Variants in SMARCA2 observed in about 807,000 individuals in gnomAD.
SMARCA2 encodes the protein SWI/SNF-related matrix-associated actin-dependent regulator of chromatin subfamily A member 2.
Under a neutral mutation model 199.8 loss-of-function variants are expected in SMARCA2, and 61 were observed. The observed-to-expected ratio is 0.31, with a 90% CI of 0.25 to 0.38. SMARCA2 has a LOEUF of 0.38. SMARCA2 is among the 10% of genes least tolerant of loss of function. SMARCA2 has a pLI of 1.00. For missense variants in SMARCA2, 1,344 were observed against 2,012.2 expected, an observed-to-expected ratio of 0.67 and a Z score of 6.35; for synonymous variants, 935 against 732.0, an observed-to-expected ratio of 1.28 and a Z score of -4.48.
At position 2,182,239 on chromosome 9, in the gene SMARCA2, C is replaced by G. The variant is rs769659898; in HGVS notation, c.4458C>G (p.Ser1486=). The change falls in exon 31 of 34, where the codon TCC becomes TCG. Residue 1486 remains serine, a synonymous_variant. Transcript: ENST00000349721. ...CTCAGACGTTCAACCTGGAGGGATC[C>G]CAGGTCTGTCTTGTTAAGTTGTCTA... ...HNAQTFNLEG[S]QIYEDSIVLQ... The G allele has an allele frequency of 6.9e-6, 11 of 1,600,626 alleles. No individual in the cohort carries two copies. The East Asian group carries it at 2.0e-4, about 29-fold the overall frequency.
chr9:2,159,607 C>G (rs1454422511), intron 27 of SMARCA2: 1 of 511,900 alleles, frequency 2.0e-6, no homozygotes, highest in Non-Finnish European at 3.3e-6. Context: ...ATTCTGCTGC[C>G]TGGAATAATA....
intron 9 of SMARCA2, among the ~76,000 whole-genome samples, chr9:2,065,538 A>G (rs1209023422): frequency 1.3e-5 from 2 of 152,136 alleles, no homozygotes; most frequent in Non-Finnish European, 2.9e-5. Flanking sequence ...GGCATAATGT[A>G]TTGGCCAACA....
intron 27 of SMARCA2, among the ~76,000 whole-genome samples, chr9:2,145,302 C>G (rs1175791681): frequency 1.8e-5 from 1 of 56,980 alleles, no homozygotes; most frequent in African/African-American, 7.4e-5. Context: ...AGACTCTTGT[C>G]TCAAAAAAAA....
At chr9:2,173,444 G>T (rs1826367101) in intron 29 of SMARCA2, among the ~76,000 whole-genome samples, 1 of 152,190 alleles carries the variant, frequency 6.6e-6, no homozygotes, top group Non-Finnish European at 1.5e-5. Flanking sequence ...TCTGCATTTA[G>T]TGGCTCTAAT....
At chr9:2,061,007 G>A (rs772824980) in intron 9 of SMARCA2, 21 bp downstream of exon 9, 3 of 1,610,268 alleles carry the variant, frequency 1.9e-6, no homozygotes, top group African/African-American at 2.7e-5. Context: ...TAGTGGTGGT[G>A]GCTGAGTCCA....
intron 12 of SMARCA2, 32 bp downstream of exon 12, chr9:2,073,655 G>T: frequency 6.6e-7 from 1 of 1,515,756 alleles, no homozygotes; most frequent in Non-Finnish European, 9.1e-7. Context: ...GGGTTTATTG[G>T]TTTGAAAGTT....
intron 24 of SMARCA2, among the ~76,000 whole-genome samples, chr9:2,112,995 A>C (rs138477834): frequency 1.3e-5 from 2 of 152,222 alleles, no homozygotes; most frequent in Admixed American, 6.5e-5. Flanking sequence ...CAGTTTGAAT[A>C]CTGGGTTTGA....
At chr9:2,096,110 A>G (rs533354602) in intron 19 of SMARCA2, among the ~76,000 whole-genome samples, 147 of 152,272 alleles carry the variant, frequency 9.7e-4, no homozygotes, top group African/African-American at 3.4e-3. Context: ...TGTTCTCACT[A>G]TGTTGTATCC....
intron 27 of SMARCA2, among the ~76,000 whole-genome samples, chr9:2,134,607 G>A (rs919167280): frequency 2.0e-5 from 3 of 152,160 alleles, no homozygotes; most frequent in Non-Finnish European, 4.4e-5. Context: ...GAGTTCTGAC[G>A]CTGCTACCAG....
chr9:2,104,054 G>A lies in SMARCA2; in HGVS notation c.3177G>A (p.Leu1059=). The A allele has an allele frequency of 6.2e-7, 1 of 1,614,068 alleles. No individual in the cohort carries two copies. Among genetic ancestry groups the A allele is most frequent in the Non-Finnish European group, 8.5e-7 (1 of 1,179,978 alleles). The stretch of plus-strand genomic sequence containing the variant: ...AGTTTGAGCTGCTTGATCGTATTCT[G>A]CCAAAATTGAGAGCGACTAATCACC... ...SGKFELLDRI[L]PKLRATNHRV... is the part of the protein sequence containing the mutation. Residue 1059 remains leucine, a synonymous_variant, in exon 23 of 34, where the codon CTG becomes CTA. Transcript: ENST00000349721. This position sits in a 1 kb window ranked among gnomAD's most constrained non-coding sequence, Gnocchi z 4.0.
At chr9:2,099,599 G>C (rs1315028999) in intron 21 of SMARCA2, among the ~76,000 whole-genome samples, 1 of 152,144 alleles carries the variant, frequency 6.6e-6, no homozygotes, top group East Asian at 1.9e-4. Context: ...TTAAGTAGCA[G>C]TTGGTAGAAA....
chr9:2,181,774 G>A, intron 30 of SMARCA2, 98 bp downstream of exon 30: 1 of 708,756 alleles, frequency 1.4e-6, no homozygotes, highest in Non-Finnish European at 2.5e-6. Context: ...CCACTGATGG[G>A]TACCCAGGGC....
At chr9:2,021,921 G>T (rs1433181036) in intron 1 of SMARCA2, 1 of 149,208 alleles carries the variant, frequency 6.7e-6, no homozygotes, top group Non-Finnish European at 1.5e-5. Flanking sequence ...AGAGGTGGGG[G>T]TGGTGGCATC....
Position 2,090,961 on chromosome 9 carries a change from T to C in SMARCA2, c.2883+2348T>C, listed in dbSNP as rs1160788054. ...CTTACAGCCACAAACAATGTGCATG[T>C]CTTACTTAGCCTGGATAAAGAATCC... On this transcript the variant is annotated intron_variant, in intron 19 of 33. Coordinates refer to ENST00000349721, the MANE Select transcript of SMARCA2 (RefSeq NM_003070.5). Among the ~76,000 whole-genome samples, 8 of 152,260 alleles carry C rather than the reference T, an allele frequency of 5.3e-5. No individual in the cohort carries two copies. The East Asian group carries it at 1.5e-3, about 29-fold the overall frequency.
At chr9:2,168,021 TTTTTTC>T (rs1489873502) in intron 28 of SMARCA2, among the ~76,000 whole-genome samples, 1 of 146,524 alleles carries the variant, frequency 6.8e-6, no homozygotes, top group African/African-American at 2.6e-5. Flanking sequence ...GAAATGAGCT[TTTTTTC>T]TTTTTCTTTT....
At chr9:2,146,626 G>A (rs1824763378) in intron 27 of SMARCA2, among the ~76,000 whole-genome samples, 1 of 152,180 alleles carries the variant, frequency 6.6e-6, no homozygotes, top group South Asian at 2.1e-4. Flanking sequence ...GGAAAGTAAA[G>A]GGATAAAGAA....
At chr9:2,041,695 G>C (rs1051271522) in intron 4 of SMARCA2, 1 of 312,762 alleles carries the variant, frequency 3.2e-6, no homozygotes, top group African/African-American at 2.1e-5. Context: ...CATTTGGTAG[G>C]TGGAGGATCA....
intron 15 of SMARCA2, 123 bp from the exon 16 acceptor site, chr9:2,083,224 G>T (rs12551511): frequency 1.2e-5 from 6 of 506,536 alleles, no homozygotes; most frequent in African/African-American, 7.9e-5. Flanking sequence ...ATATCTTGTT[G>T]AGATATGTTA....
At chr9:2,144,628 T>A (rs574182196) in intron 27 of SMARCA2, among the ~76,000 whole-genome samples, 1 of 152,110 alleles carries the variant, frequency 6.6e-6, no homozygotes, top group Non-Finnish European at 1.5e-5. Context: ...ATATGGAGGA[T>A]TGGAGTCTAT....
Sources: allele counts gnomAD v4.1 joint callset (sites outside exome capture counted in the v4.1 genomes callset), GRCh38; gene constraint gnomAD v4.1.1; non-coding constraint Gnocchi (gnomAD v3.1); transcripts MANE v1.5; gene names NCBI Gene and HGNC (gene_info 2026-07-23, HGNC 2026-07-21).